Variants in NSMCE2 observed in about 807,000 individuals in gnomAD.
NSMCE2 encodes the protein E3 SUMO-protein ligase NSE2.
In NSMCE2, 24 loss-of-function variants were observed where a neutral mutation model predicts 23.8. That is an observed-to-expected ratio of 1.01 (90% CI 0.73 to 1.42). NSMCE2 has a LOEUF of 1.42. Ranked by LOEUF, NSMCE2 falls within the 40% of genes most tolerant of loss-of-function variation. The pLI is 0.00. For missense variants in NSMCE2, 284 were observed against 296.5 expected (o/e 0.96, Z 0.31); for synonymous variants, 92 against 94.1 (o/e 0.98, Z 0.13).
intron 3 of NSMCE2, among the ~76,000 whole-genome samples, chr8:125,107,975 A>G (rs562654348): frequency 2.8e-4 from 42 of 152,270 alleles, no homozygotes; most frequent in African/African-American, 1.0e-3. Context: ...CAGAGGTTGC[A>G]ATGAGCTGAG....
chr8:125,308,910 G>A (rs1828861507), intron 5 of NSMCE2, among the ~76,000 whole-genome samples: 1 of 152,182 alleles, frequency 6.6e-6, no homozygotes, highest in Non-Finnish European at 1.5e-5. Flanking sequence ...GACAATTTGA[G>A]CTTGATAACG....
intron 3 of NSMCE2, among the ~76,000 whole-genome samples, chr8:125,116,954 C>T (rs970682550): frequency 2.8e-5 from 4 of 140,968 alleles, no homozygotes; most frequent in African/African-American, 8.0e-5. Context: ...GTGGCATGAT[C>T]TTGGCTCATT....
intron 5 of NSMCE2, among the ~76,000 whole-genome samples, chr8:125,324,572 C>CTTTTTT (rs1189623667): frequency 2.7e-4 from 16 of 59,318 alleles, no homozygotes; most frequent in African/African-American, 6.9e-4. Flanking sequence ...TGATAAAATT[C>CTTTTTT]TTTTTTTTTT....
chr8:125,309,184 G>A (rs1348070051), intron 5 of NSMCE2, among the ~76,000 whole-genome samples: 1 of 148,988 alleles, frequency 6.7e-6, no homozygotes, highest in African/African-American at 2.5e-5. Flanking sequence ...AGAGGCAGAG[G>A]TTGCAATGAG....
intron 3 of NSMCE2, among the ~76,000 whole-genome samples, chr8:125,135,808 T>G (rs967240032): frequency 9.2e-5 from 14 of 152,256 alleles, no homozygotes; most frequent in African/African-American, 3.4e-4. Flanking sequence ...TGATTACTGA[T>G]GCTTTATGAT....
intron 5 of NSMCE2, among the ~76,000 whole-genome samples, chr8:125,249,410 C>G (rs6984563): frequency 0.07 from 10,702 of 152,220 alleles, 414 homozygotes; most frequent in African/African-American, 0.093. Context: ...CCTTTCTCAC[C>G]TACATGCAGT....
intron 5 of NSMCE2, among the ~76,000 whole-genome samples, chr8:125,193,301 C>A (rs1325329870): frequency 2.0e-5 from 3 of 152,088 alleles, no homozygotes; most frequent in African/African-American, 7.2e-5. Context: ...AAAATATTCA[C>A]AAAACATGTA....
At chr8:125,134,985 G>A (rs1278942018) in intron 3 of NSMCE2, among the ~76,000 whole-genome samples, 2 of 152,034 alleles carry the variant, frequency 1.3e-5, no homozygotes, top group African/African-American at 4.8e-5. Context: ...TTGGCTTATT[G>A]CAAAGTTCAC....
At chr8:125,244,362 TAATC>T (rs1453259744) in intron 5 of NSMCE2, among the ~76,000 whole-genome samples, 8 of 152,286 alleles carry the variant, frequency 5.3e-5, no homozygotes, top group East Asian at 1.9e-4. Context: ...GGAAAAAACT[TAATC>T]AATATGGCTA....
intron 4 of NSMCE2, among the ~76,000 whole-genome samples, chr8:125,181,106 A>G (rs887178902): frequency 6.6e-6 from 1 of 152,204 alleles, no homozygotes; most frequent in Non-Finnish European, 1.5e-5. Context: ...TGAAGGCCTG[A>G]TGGAGAGCAG....
rs112379788 is a variant in NSMCE2, at chr8:125,111,645, G to C, written c.157+9158G>C. 6.2e-3 allele frequency among the ~76,000 whole-genome samples: 939 copies of C among 152,064 alleles called. 15 individuals carry two copies. The highest frequency in any genetic ancestry group is 0.022 in the African/African-American group (894 of 41,478). On this transcript the variant is annotated intron_variant, in intron 3 of 7. Coordinates refer to ENST00000287437, the MANE Select transcript of NSMCE2 (RefSeq NM_173685.4). ...TGAAACCCCATCTCTACCAAAAATA[G>C]AAAAATTAGCTGGGTGTGGTGGTGT...
chr8:125,174,484 A>G, intron 4 of NSMCE2, among the ~76,000 whole-genome samples: 1 of 152,192 alleles, frequency 6.6e-6, no homozygotes, highest in Middle Eastern at 3.2e-3. Context: ...TCATCGTATT[A>G]TAGTGGGCAT....
In NSMCE2 at chr8:125,312,406, A is replaced by G. The variant is rs540274205; in HGVS notation, c.419-44813A>G. On this transcript the variant is annotated intron_variant, in intron 5 of 7. Coordinates refer to ENST00000287437, the MANE Select transcript of NSMCE2 (RefSeq NM_173685.4). ...TTTGGGAGGCTGAGGCGAGTGGATC[A>G]CAAGGTCAGGAGTTCAAGACCAGCC... is the stretch of plus-strand genomic sequence containing the variant. Among the ~76,000 whole-genome samples, 22 of 152,166 alleles carry G rather than the reference A, an allele frequency of 1.4e-4. No homozygotes were observed. In the South Asian group the frequency reaches 1.5e-3, roughly 10 times the overall value.
intron 7 of NSMCE2, among the ~76,000 whole-genome samples, chr8:125,363,893 A>T (rs986043317): frequency 6.6e-6 from 1 of 152,130 alleles, no homozygotes; most frequent in Non-Finnish European, 1.5e-5. Context: ...CCTTTCTGTA[A>T]TTATGATTTA....
Position 125,173,151 on chromosome 8 carries a change from C to T in NSMCE2, c.265-8952C>T, listed in dbSNP as rs140116572. ...TGTCACCTCCCTTTTTGTCCCTGTT[C>T]TGTGTCATGAGGAGTTCAGAATTGC... On this transcript the variant is annotated intron_variant, in intron 4 of 7. Coordinates refer to ENST00000287437, the MANE Select transcript of NSMCE2 (RefSeq NM_173685.4). 4.6e-3 allele frequency among the ~76,000 whole-genome samples: 703 copies of T among 152,270 alleles called. 4 individuals are homozygous for T. The highest frequency in any genetic ancestry group is 0.016 in the African/African-American group (680 of 41,546).
chr8:125,149,214 T>C (rs891801726), intron 3 of NSMCE2, among the ~76,000 whole-genome samples: 3 of 152,176 alleles, frequency 2.0e-5, no homozygotes, highest in Admixed American at 6.5e-5. Flanking sequence ...CATTGAGATA[T>C]TTGTGTATTC....
At chr8:125,299,850 A>C (rs1586737307) in intron 5 of NSMCE2, among the ~76,000 whole-genome samples, 1 of 109,828 alleles carries the variant, frequency 9.1e-6, no homozygotes, top group Non-Finnish European at 1.7e-5. Context: ...ACAGAGTCTC[A>C]CTCTGTCACT....
In NSMCE2 at chr8:125,147,956, A is replaced by G. The variant is rs557330769; in HGVS notation, c.158-3215A>G. On this transcript the variant is annotated intron_variant, in intron 3 of 7. Coordinates refer to ENST00000287437, the MANE Select transcript of NSMCE2 (RefSeq NM_173685.4). ...AGATGCTCTTGTGGGAGTCCCTTCT[A>G]GTTCTCATCGTAGGTCTCTGGTCTC... Among the ~76,000 whole-genome samples the G allele has an allele frequency of 2.6e-5, 4 of 152,270 alleles. No homozygotes were observed. The East Asian group carries it at 7.7e-4, about 29-fold the overall frequency.
chr8:125,245,261 C>T (rs142181288), intron 5 of NSMCE2, among the ~76,000 whole-genome samples: 1,561 of 151,914 alleles, frequency 0.01, 8 homozygotes, highest in Middle Eastern at 0.058. Flanking sequence ...CCAGCCTGGG[C>T]GACAGAGTGA....
Sources: gnomAD v4.1 joint callset for allele counts (sites outside exome capture counted in the v4.1 genomes callset) on GRCh38, gnomAD v4.1.1 for gene constraint, MANE v1.5 for transcripts, NCBI Gene and HGNC (gene_info 2026-07-23, HGNC 2026-07-21) for gene names.